The following SNX29 variants were observed in gnomAD, a reference collection of about 807,000 sequenced individuals.
SNX29 encodes sorting nexin-29.
A neutral mutation model predicts 102.1 loss-of-function variants in SNX29; 78 were observed. That is an observed-to-expected ratio of 0.76 (90% CI 0.64 to 0.92). SNX29 has a LOEUF of 0.92. Ranked by LOEUF, SNX29 falls within the 40% of genes least tolerant of loss-of-function variation. The probability of loss-of-function intolerance (pLI) is 0.00; values close to 1 mark genes in which losing one functional copy is unlikely to be tolerated. For missense variants in SNX29, 1,280 were observed against 1,061.7 expected (o/e 1.21, Z -2.86); for synonymous variants, 580 against 414.5 (o/e 1.40, Z -4.85).
At chr16:12,389,912 A>G (rs1441130605) in intron 16 of SNX29, among the ~76,000 whole-genome samples, 1 of 152,216 alleles carries the variant, frequency 6.6e-6, no homozygotes, top group Admixed American at 6.5e-5. Flanking sequence ...CCCTCATCTG[A>G]AGCAGGAGCG....
intron 19 of SNX29, among the ~76,000 whole-genome samples, chr16:12,502,860 G>A (rs2089191203): frequency 6.6e-6 from 1 of 152,144 alleles, no homozygotes; most frequent in Non-Finnish European, 1.5e-5. Context: ...TAAAGCTCAT[G>A]GTTAAAGGTC....
intron 14 of SNX29, among the ~76,000 whole-genome samples, chr16:12,260,737 TTC>T: frequency 6.6e-6 from 1 of 151,102 alleles, no homozygotes; most frequent in Non-Finnish European, 1.5e-5. Flanking sequence ...CTCAGGTCAG[TTC>T]ACACGCCCCC....
intron 3 of SNX29, 44 bp downstream of exon 3, chr16:12,003,087 A>C: frequency 6.2e-7 from 1 of 1,610,382 alleles, no homozygotes; most frequent in South Asian, 1.1e-5. Flanking sequence ...GAGGTTGGAA[A>C]GGCGGCAGAA....
intron 13 of SNX29, among the ~76,000 whole-genome samples, chr16:12,194,876 C>G (rs757788218): frequency 2.0e-5 from 3 of 152,122 alleles, no homozygotes; most frequent in African/African-American, 7.2e-5. Flanking sequence ...ATCCACTCAC[C>G]TCGGTCTCCC....
At chr16:12,266,116 G>A (rs2078920013) in intron 14 of SNX29, among the ~76,000 whole-genome samples, 1 of 151,846 alleles carries the variant, frequency 6.6e-6, no homozygotes, top group Non-Finnish European at 1.5e-5. Context: ...ATAGAGACAG[G>A]GTCTCACCAT....
In SNX29 at chr16:12,543,945, G is replaced by A. The variant is rs182526362; in HGVS notation, c.2318+19104G>A. 5.9e-5 allele frequency among the ~76,000 whole-genome samples: 9 copies of A among 152,252 alleles called. No homozygotes were observed. The South Asian group carries it at 6.2e-4, about 11-fold the overall frequency. On this transcript the variant is annotated intron_variant, in intron 20 of 20. Transcript: ENST00000566228. ...AATCCGGCACCCTCTCGTTCTAAGC[G>A]AGGAGCCTATCTGCTGGGAGAAATG...
intron 15 of SNX29, among the ~76,000 whole-genome samples, chr16:12,345,362 C>T (rs1174860203): frequency 6.6e-6 from 1 of 152,194 alleles, no homozygotes; most frequent in Non-Finnish European, 1.5e-5. Flanking sequence ...ATAGGGACAA[C>T]ACCAGCACCT....
At chr16:12,548,372 G>C (rs1233449353) in intron 20 of SNX29, among the ~76,000 whole-genome samples, 1 of 152,174 alleles carries the variant, frequency 6.6e-6, no homozygotes, top group African/African-American at 2.4e-5. Context: ...CACATGGAAG[G>C]GAGTCCCACA....
chr16:12,451,599 C>T (rs1005526092), intron 18 of SNX29, among the ~76,000 whole-genome samples: 1 of 152,238 alleles, frequency 6.6e-6, no homozygotes, highest in Admixed American at 6.5e-5. Flanking sequence ...TGCGGTGGCT[C>T]ACGCCTGTAA....
intron 20 of SNX29, among the ~76,000 whole-genome samples, chr16:12,568,235 A>G (rs1043719817): frequency 6.7e-6 from 1 of 150,344 alleles, no homozygotes; most frequent in African/African-American, 2.4e-5. Flanking sequence ...TAAAATGTAG[A>G]CCGGAACGGT....
chr16:12,493,132 G>A (rs1231069637), intron 19 of SNX29, among the ~76,000 whole-genome samples: 4 of 152,106 alleles, frequency 2.6e-5, no homozygotes, highest in Admixed American at 1.3e-4. Flanking sequence ...CAGTATGGCC[G>A]TTTTCATGAT....
intron 14 of SNX29, among the ~76,000 whole-genome samples, chr16:12,209,992 CT>C: frequency 6.6e-6 from 1 of 152,338 alleles, no homozygotes; most frequent in East Asian, 1.9e-4. Flanking sequence ...CAGTTTCTGT[CT>C]GTGTGCACGT....
intron 10 of SNX29, among the ~76,000 whole-genome samples, chr16:12,073,234 T>A (rs2051381516): frequency 6.6e-6 from 1 of 152,156 alleles, no homozygotes; most frequent in South Asian, 2.1e-4. Context: ...TTGCTCTTGC[T>A]TTTTTTCTAG....
At chr16:12,566,931 C>T (rs985369062) in intron 20 of SNX29, among the ~76,000 whole-genome samples, 2 of 152,226 alleles carry the variant, frequency 1.3e-5, no homozygotes, top group Non-Finnish European at 2.9e-5. Flanking sequence ...ATTTTGTTAG[C>T]TTATCAGGGT....
intron 4 of SNX29, among the ~76,000 whole-genome samples, chr16:12,028,566 G>C (rs2057254875): frequency 6.6e-6 from 1 of 151,868 alleles, no homozygotes; most frequent in South Asian, 2.1e-4. Flanking sequence ...ATCTTGTTCT[G>C]TTGGCCAGGC....
intron 8 of SNX29, 83 bp downstream of exon 8, chr16:12,052,305 C>T: frequency 2.0e-6 from 3 of 1,490,676 alleles, no homozygotes; most frequent in Admixed American, 1.9e-5. Context: ...CAACCTCCAC[C>T]TCCCGGGTTC....
At chr16:12,293,414 C>T (rs187171714) in intron 15 of SNX29, among the ~76,000 whole-genome samples, 24 of 152,320 alleles carry the variant, frequency 1.6e-4, no homozygotes, top group Non-Finnish European at 2.5e-4. Context: ...ATCCTGCTTT[C>T]CTGCTGTTCA....
At chr16:12,158,242 C>T (rs2430654) in intron 13 of SNX29, among the ~76,000 whole-genome samples, 335 of 152,216 alleles carry the variant, frequency 2.2e-3, no homozygotes, top group African/African-American at 7.8e-3. Context: ...CTCTGGCACC[C>T]AGGCTGGAGT....
In SNX29 at chr16:12,571,009, G is replaced by A. The variant is rs568959765; in HGVS notation, c.*2380G>A. Reference sequence around the variant, plus strand: ...ATGATCATGCACAGACCGTAGAGTCGAGTCATCTCGCAGATCCAGACCATC... The same window carrying A: ...ATGATCATGCACAGACCGTAGAGTCAAGTCATCTCGCAGATCCAGACCATC... On this transcript the variant is annotated 3_prime_UTR_variant, in exon 21 of 21. Transcript: ENST00000566228. 4.3e-6 allele frequency: 1 copy of A among 232,630 alleles called. No individual in the cohort carries two copies. Among genetic ancestry groups the A allele is most frequent in the East Asian group, 6.1e-5 (1 of 16,494 alleles). 14.4% of individuals were successfully genotyped at this position (232,630 alleles called of 1,614,324 possible). A position where few individuals can be genotyped will look rare whatever the true frequency, so the allele number is the denominator to read the frequency against.
Sources: gnomAD v4.1 joint callset for allele counts (sites outside exome capture counted in the v4.1 genomes callset) on GRCh38, gnomAD v4.1.1 for gene constraint, MANE v1.5 for transcripts, NCBI Gene and HGNC (gene_info 2026-07-23, HGNC 2026-07-21) for gene names.